NELL2: variants seen among roughly 807,000 people sequenced by gnomAD.
The protein encoded by NELL2 is protein kinase C-binding protein NELL2.
A neutral mutation model predicts 109.6 loss-of-function variants in NELL2; 41 were observed. The observed-to-expected ratio is 0.37, with a 90% CI of 0.29 to 0.49. The LOEUF (loss-of-function observed/expected upper bound fraction) is 0.49, where lower values mean the gene tolerates loss of function less well. Among genes scored for constraint, NELL2 ranks in the 20% least tolerant of loss-of-function variants. NELL2 has a pLI of 0.98. For missense variants in NELL2, 900 were observed against 1,008.3 expected (o/e 0.89, Z 1.45); for synonymous variants, 355 against 344.7 (o/e 1.03, Z -0.33).
chr12:44,756,814 C>T (rs1188545683), intron 9 of NELL2, among the ~76,000 whole-genome samples: 1 of 152,134 alleles, frequency 6.6e-6, no homozygotes, highest in Non-Finnish European at 1.5e-5. Flanking sequence ...TCAAGGACTG[C>T]TCCTTGCTCC....
At chr12:44,827,823 A>G (rs1444210738) in intron 2 of NELL2, among the ~76,000 whole-genome samples, 4 of 152,172 alleles carry the variant, frequency 2.6e-5, no homozygotes, top group Non-Finnish European at 4.4e-5. Flanking sequence ...TTTTGGGTAT[A>G]TACCTGGGAG....
intron 13 of NELL2, among the ~76,000 whole-genome samples, chr12:44,634,336 T>G (rs974493617): frequency 7.6e-6 from 1 of 132,140 alleles, no homozygotes; most frequent in African/African-American, 2.9e-5. Flanking sequence ...CCCCACCCCA[T>G]GACAGGTCCC....
chr12:44,568,625 T>A (rs995044611), intron 15 of NELL2, among the ~76,000 whole-genome samples: 23 of 152,084 alleles, frequency 1.5e-4, no homozygotes, highest in African/African-American at 5.1e-4. Flanking sequence ...AACCAGAAAT[T>A]AATGAAATTG....
intron 11 of NELL2, among the ~76,000 whole-genome samples, chr12:44,708,643 C>A (rs542839492): frequency 3.4e-4 from 52 of 152,198 alleles, no homozygotes; most frequent in African/African-American, 1.2e-3. Flanking sequence ...ATATTTGAAT[C>A]GGAAATTAAT....
chr12:44,626,393 T>G (rs1410527395), intron 13 of NELL2, among the ~76,000 whole-genome samples: 3 of 152,214 alleles, frequency 2.0e-5, no homozygotes, highest in Admixed American at 2.0e-4. Flanking sequence ...TGTAGCTTAC[T>G]CACTTGTTCA....
chr12:44,559,656 C>T (rs1005665216), intron 15 of NELL2, among the ~76,000 whole-genome samples: 5 of 152,148 alleles, frequency 3.3e-5, no homozygotes, highest in African/African-American at 1.2e-4. Flanking sequence ...GCACCCAATA[C>T]AGGAGCACCC....
intron 2 of NELL2, among the ~76,000 whole-genome samples, chr12:44,866,099 A>G (rs1424631505): frequency 1.3e-5 from 2 of 152,196 alleles, no homozygotes; most frequent in African/African-American, 4.8e-5. Flanking sequence ...TACAGCATTC[A>G]TCACTTCCAC....
chr12:44,509,711 T>G (rs953516229), intron 19 of NELL2, among the ~76,000 whole-genome samples: 5 of 152,126 alleles, frequency 3.3e-5, no homozygotes, highest in Non-Finnish European at 7.4e-5. Context: ...TTGTGGGGAA[T>G]GAATTGTCGT....
At chr12:44,752,789 T>C (rs574478946) in intron 9 of NELL2, among the ~76,000 whole-genome samples, 109 of 152,282 alleles carry the variant, frequency 7.2e-4, no homozygotes, top group Non-Finnish European at 1.3e-3. Context: ...CTGAAATTGT[T>C]GGCATCATTA....
chr12:44,835,815 T>G (rs1944037614), intron 2 of NELL2, among the ~76,000 whole-genome samples: 1 of 152,186 alleles, frequency 6.6e-6, no homozygotes, highest in East Asian at 1.9e-4. Flanking sequence ...GACAGAGGGA[T>G]GCAAGCTGTA....
chr12:44,562,820 T>C (rs979023342), intron 15 of NELL2, among the ~76,000 whole-genome samples: 2 of 152,236 alleles, frequency 1.3e-5, no homozygotes, highest in East Asian at 3.8e-4. Context: ...TTACTGGGCA[T>C]ATACCCAAAG....
At chr12:44,570,783 A>G (rs1001232129) in intron 15 of NELL2, among the ~76,000 whole-genome samples, 9 of 152,298 alleles carry the variant, frequency 5.9e-5, no homozygotes, top group African/African-American at 2.2e-4. Context: ...TATTTGCCAC[A>G]TCTCAGACTT....
intron 9 of NELL2, among the ~76,000 whole-genome samples, chr12:44,770,327 T>C (rs914939766): frequency 6.6e-6 from 1 of 152,176 alleles, no homozygotes. Context: ...ACACAGCCCC[T>C]ATAAAGTAGA....
At chr12:44,872,340 T>C (rs1250015247) in intron 2 of NELL2, among the ~76,000 whole-genome samples, 1 of 152,184 alleles carries the variant, frequency 6.6e-6, no homozygotes, top group Non-Finnish European at 1.5e-5. Flanking sequence ...TAATCTAATT[T>C]AGCATCTTAT....
intron 13 of NELL2, among the ~76,000 whole-genome samples, chr12:44,624,044 T>C (rs1251498276): frequency 6.6e-6 from 1 of 152,034 alleles, no homozygotes; most frequent in Non-Finnish European, 1.5e-5. Context: ...AGGTGATGGG[T>C]TGATGAGTGC....
At chr12:44,782,713 T>C (rs1169875594) in intron 3 of NELL2, among the ~76,000 whole-genome samples, 1 of 151,974 alleles carries the variant, frequency 6.6e-6, no homozygotes, top group East Asian at 1.9e-4. Flanking sequence ...TCTCAATGTG[T>C]ATTACCGAAA....
intron 13 of NELL2, among the ~76,000 whole-genome samples, chr12:44,652,179 T>G (rs17651552): frequency 1.3e-5 from 2 of 152,278 alleles, no homozygotes; most frequent in South Asian, 2.1e-4. Flanking sequence ...TTCTGGAGAT[T>G]GTGACAACAA....
In NELL2 at chr12:44,573,983, T is replaced by C. The variant is rs546437595; in HGVS notation, c.1663+33186A>G. Reference sequence around the variant, plus strand: ...AGGTGTTACCCACTAAGAGAGTTCTTGGACCATGCAATCCAATAACCTCCC... The same window carrying C: ...AGGTGTTACCCACTAAGAGAGTTCTCGGACCATGCAATCCAATAACCTCCC... On this transcript the variant is annotated intron_variant, in intron 15 of 19. Transcript: ENST00000429094. Among the ~76,000 whole-genome samples the C allele has an allele frequency of 5.6e-4, 85 of 152,362 alleles. 2 individuals carry two copies. The highest frequency in any genetic ancestry group is 1.9e-3 in the African/African-American group (81 of 41,586).
intron 13 of NELL2, among the ~76,000 whole-genome samples, chr12:44,635,753 T>C (rs1048366602): frequency 2.6e-5 from 4 of 152,274 alleles, no homozygotes; most frequent in African/African-American, 9.6e-5. Flanking sequence ...CTTAGGATTG[T>C]CTTGGCTATG....
Sources: gnomAD v4.1 joint callset for allele counts (sites outside exome capture counted in the v4.1 genomes callset) on GRCh38, gnomAD v4.1.1 for gene constraint, MANE v1.5 for transcripts, NCBI Gene and HGNC (gene_info 2026-07-23, HGNC 2026-07-21) for gene names.